CNTN4: variants seen among roughly 807,000 people sequenced by gnomAD.
CNTN4 encodes the protein contactin-4.
Under a neutral mutation model 122.5 loss-of-function variants are expected in CNTN4, and 77 were observed. The observed-to-expected ratio is 0.63, with a 90% confidence interval of 0.52 to 0.76. The LOEUF (loss-of-function observed/expected upper bound fraction) is 0.76, where lower values mean the gene tolerates loss of function less well. Among genes scored for constraint, CNTN4 ranks in the 30% least tolerant of loss-of-function variants. CNTN4 has a pLI of 0.00. For missense variants in CNTN4, 1,256 were observed against 1,259.1 expected (o/e 1.00, Z 0.04); for synonymous variants, 512 against 447.0 (o/e 1.15, Z -1.83).
intron 14 of CNTN4, among the ~76,000 whole-genome samples, chr3:3,008,594 T>C (rs1696876129): frequency 6.6e-6 from 1 of 152,166 alleles, no homozygotes; most frequent in East Asian, 1.9e-4. Flanking sequence ...ATTCTGCCTT[T>C]GCAAAAAGAG....
At chr3:2,447,822 C>T (rs778564200) in intron 3 of CNTN4, among the ~76,000 whole-genome samples, 2 of 152,116 alleles carry the variant, frequency 1.3e-5, no homozygotes, top group Non-Finnish European at 2.9e-5. Context: ...ATAAGTACTT[C>T]AAATGCATTA....
At chr3:2,535,142 C>G (rs2077751556) in intron 3 of CNTN4, among the ~76,000 whole-genome samples, 1 of 152,096 alleles carries the variant, frequency 6.6e-6, no homozygotes, top group Non-Finnish European at 1.5e-5. Context: ...CTCTTTGCGT[C>G]TTCTGAGAGC....
intron 10 of CNTN4, among the ~76,000 whole-genome samples, chr3:2,895,847 A>G (rs1016782409): frequency 2.6e-5 from 4 of 152,166 alleles, no homozygotes; most frequent in Admixed American, 6.5e-5. Context: ...ATCCTGGCTA[A>G]CAGGGTGAAA....
Position 3,043,025 on chromosome 3 carries a change from C to G in CNTN4, c.2560C>G (p.Arg854Gly). 6.2e-7 allele frequency: 1 copy of G among 1,614,036 alleles called. No homozygotes were observed. The highest frequency in any genetic ancestry group is 1.1e-5 in the South Asian group (1 of 91,074). The change falls in exon 22 of 25, where the codon CGA becomes GGA. Residue 854 changes from arginine to glycine, a missense_variant. Transcript: ENST00000418658. ...CAAAGAAGAAAATGCTAGAAAAATA[C>G]GAACAGTTGGAAATCAGACATCAAC... ...EDKEENARKI[R>G]TVGNQTSTKI...
chr3:2,805,727 G>C (rs1034889132), intron 6 of CNTN4, among the ~76,000 whole-genome samples: 1 of 152,022 alleles, frequency 6.6e-6, no homozygotes, highest in Non-Finnish European at 1.5e-5. Flanking sequence ...GATGCCAAAG[G>C]GGGAGAAATT....
intron 7 of CNTN4, among the ~76,000 whole-genome samples, chr3:2,852,398 T>C (rs2093562806): frequency 6.6e-6 from 1 of 152,186 alleles, no homozygotes; most frequent in Non-Finnish European, 1.5e-5. Context: ...GATCTGATAA[T>C]ATTAAGTAGA....
intron 4 of CNTN4, among the ~76,000 whole-genome samples, chr3:2,672,855 C>G (rs886860665): frequency 6.6e-6 from 1 of 152,140 alleles, no homozygotes; most frequent in African/African-American, 2.4e-5. Flanking sequence ...TTTCTATGAA[C>G]CATCCAGCTA....
In CNTN4 at chr3:2,597,572, C is replaced by T. The variant is rs76580989; in HGVS notation, c.55+26014C>T. ...TGGTGTCTGTAACCCAGCTGTTCCC[C>T]AGGAAAGGTGCAGAATTGAGAATCA... is the stretch of plus-strand genomic sequence containing the variant. On this transcript the variant is annotated intron_variant, in intron 4 of 24. Coordinates refer to ENST00000418658, the MANE Select transcript of CNTN4 (RefSeq NM_175607.3). Among the ~76,000 whole-genome samples the T allele has an allele frequency of 9.1e-3, 1,381 of 152,182 alleles. 14 individuals carry two copies. The highest frequency in any genetic ancestry group is 0.037 in the Middle Eastern group (11 of 294).
chr3:2,697,045 C>T (rs2086076642), intron 4 of CNTN4, among the ~76,000 whole-genome samples: 1 of 152,144 alleles, frequency 6.6e-6, no homozygotes, highest in African/African-American at 2.4e-5. Flanking sequence ...GCTCACCCTG[C>T]CTATTCTATG....
intron 7 of CNTN4, among the ~76,000 whole-genome samples, chr3:2,838,929 C>T (rs1303938419): frequency 6.6e-6 from 1 of 152,210 alleles, no homozygotes; most frequent in Non-Finnish European, 1.5e-5. Flanking sequence ...AGAGAAAAGA[C>T]ATCTGGCATC....
chr3:2,553,293 C>G (rs1322334951), intron 3 of CNTN4, among the ~76,000 whole-genome samples: 1 of 152,168 alleles, frequency 6.6e-6, no homozygotes, highest in Non-Finnish European at 1.5e-5. Context: ...AACTAGCACT[C>G]ATTCCGGGGC....
At chr3:2,821,056 G>A (rs560996318) in intron 7 of CNTN4, among the ~76,000 whole-genome samples, 2 of 143,942 alleles carry the variant, frequency 1.4e-5, no homozygotes, top group African/African-American at 5.2e-5. Flanking sequence ...CTGCCTCCCA[G>A]GTTCAATCGA....
At chr3:2,548,809 C>T (rs2078356858) in intron 3 of CNTN4, among the ~76,000 whole-genome samples, 1 of 152,150 alleles carries the variant, frequency 6.6e-6, no homozygotes, top group African/African-American at 2.4e-5. Flanking sequence ...TATCCATGAG[C>T]ATGGAATGTT....
At chr3:2,442,003 C>T (rs1034060801) in intron 3 of CNTN4, among the ~76,000 whole-genome samples, 1 of 152,020 alleles carries the variant, frequency 6.6e-6, no homozygotes, top group African/African-American at 2.4e-5. Flanking sequence ...TTCCTCTTTC[C>T]AGTAACTAAT....
intron 2 of CNTN4, among the ~76,000 whole-genome samples, chr3:2,335,164 T>G (rs2043893872): frequency 6.6e-6 from 1 of 152,164 alleles, no homozygotes; most frequent in Admixed American, 6.5e-5. Context: ...AGTCGTCTAT[T>G]TATTCACCTG....
chr3:2,254,354 T>C (rs962221490), intron 2 of CNTN4, among the ~76,000 whole-genome samples: 2 of 152,200 alleles, frequency 1.3e-5, no homozygotes, highest in African/African-American at 2.4e-5. Context: ...TAAACATACA[T>C]GCGCATGTGT....
intron 6 of CNTN4, among the ~76,000 whole-genome samples, chr3:2,787,795 T>G (rs1490256924): frequency 3.1e-5 from 1 of 31,920 alleles, no homozygotes; most frequent in Non-Finnish European, 7.1e-5. Context: ...GGGTTTTTGT[T>G]TTTTTTTTTT....
chr3:2,290,562 A>G (rs1039973159), intron 2 of CNTN4, among the ~76,000 whole-genome samples: 8 of 152,342 alleles, frequency 5.3e-5, no homozygotes, highest in African/African-American at 1.9e-4. Flanking sequence ...TGAAAAAATG[A>G]GGGGTCCATT....
intron 2 of CNTN4, among the ~76,000 whole-genome samples, chr3:2,241,877 G>C (rs2039955757): frequency 6.6e-6 from 1 of 152,054 alleles, no homozygotes; most frequent in African/African-American, 2.4e-5. Context: ...CGGTGGGTGG[G>C]CCAATTATTT....
Sources: gnomAD v4.1 joint callset for allele counts (sites outside exome capture counted in the v4.1 genomes callset) on GRCh38, gnomAD v4.1.1 for gene constraint, MANE v1.5 for transcripts, NCBI Gene and HGNC (gene_info 2026-07-23, HGNC 2026-07-21) for gene names.